Variants in NRG3 observed in about 807,000 individuals in gnomAD.
NRG3 encodes the protein pro-neuregulin-3, membrane-bound isoform.
Under a neutral mutation model 66.9 loss-of-function variants are expected in NRG3, and 31 were observed. The observed-to-expected ratio is 0.46, with a 90% CI of 0.35 to 0.63. The LOEUF (loss-of-function observed/expected upper bound fraction) is 0.63. Ranked by LOEUF, NRG3 falls within the 20% of genes least tolerant of loss-of-function variation. The pLI is 0.00. For missense variants in NRG3, 910 were observed against 878.9 expected (o/e 1.04, Z -0.45); for synonymous variants, 393 against 359.4 (o/e 1.09, Z -1.06).
intron 3 of NRG3, among the ~76,000 whole-genome samples, chr10:82,848,402 G>C (rs749031638): frequency 6.6e-6 from 1 of 151,998 alleles, no homozygotes; most frequent in Non-Finnish European, 1.5e-5. Context: ...CCTTCATTTT[G>C]GTCAATTTCT....
At position 82,187,133 on chromosome 10, in the gene NRG3, T is replaced by A. The variant is rs558394204; in HGVS notation, c.824-171606T>A. Among the ~76,000 whole-genome samples, 7 of 152,280 alleles carry A rather than the reference T, an allele frequency of 4.6e-5. No homozygotes were observed. In the East Asian group the frequency reaches 1.3e-3, roughly 29 times the overall value. Reference sequence around the variant, plus strand: ...ATAAATTAATGAATAAAATAAAATATTCAGAATGTCTTTTTTTAAGCCAAG... The same window carrying A: ...ATAAATTAATGAATAAAATAAAATAATCAGAATGTCTTTTTTTAAGCCAAG... On this transcript the variant is annotated intron_variant, in intron 1 of 8. Transcript: ENST00000372141.
chr10:82,979,478 A>C (rs1273867502), intron 8 of NRG3, among the ~76,000 whole-genome samples: 2 of 152,204 alleles, frequency 1.3e-5, no homozygotes, highest in Non-Finnish European at 2.9e-5. Flanking sequence ...AAAAGGACCG[A>C]ATTCTCTGAT....
intron 2 of NRG3, among the ~76,000 whole-genome samples, chr10:82,684,031 GCC>G (rs1358488360): frequency 5.7e-5 from 3 of 52,280 alleles, no homozygotes; most frequent in Admixed American, 2.7e-4. Context: ...TATTCAGAGC[GCC>G]CCTGTGTTCA....
chr10:82,542,034 G>T (rs746171164), intron 2 of NRG3, among the ~76,000 whole-genome samples: 1 of 152,026 alleles, frequency 6.6e-6, no homozygotes, highest in Non-Finnish European at 1.5e-5. Flanking sequence ...TTTAAGCCCC[G>T]CATGCATTAG....
chr10:82,226,385 T>A (rs1368182691), intron 1 of NRG3, among the ~76,000 whole-genome samples: 1 of 152,144 alleles, frequency 6.6e-6, no homozygotes, highest in African/African-American at 2.4e-5. Context: ...TAAGCCAACA[T>A]TTTAGAAGTG....
intron 1 of NRG3, among the ~76,000 whole-genome samples, chr10:82,019,232 T>G (rs191740228): frequency 2.0e-5 from 3 of 152,198 alleles, no homozygotes; most frequent in African/African-American, 4.8e-5. Flanking sequence ...ATATACTGGA[T>G]TACGTTTATT....
chr10:82,648,144 C>G (rs1228603227), intron 2 of NRG3, among the ~76,000 whole-genome samples: 1 of 151,874 alleles, frequency 6.6e-6, no homozygotes, highest in Non-Finnish European at 1.5e-5. Context: ...TTAGGTCTAA[C>G]GTTTAAGTCT....
chr10:82,589,725 T>C (rs2046875652), intron 2 of NRG3, among the ~76,000 whole-genome samples: 1 of 152,198 alleles, frequency 6.6e-6, no homozygotes, highest in Non-Finnish European at 1.5e-5. Flanking sequence ...GTAACTGAGA[T>C]AATATTATCT....
intron 2 of NRG3, among the ~76,000 whole-genome samples, chr10:82,486,770 C>T (rs2132202626): frequency 6.6e-6 from 1 of 152,180 alleles, no homozygotes; most frequent in South Asian, 2.1e-4. Flanking sequence ...CTGTCAAATG[C>T]TATAACATGG....
intron 2 of NRG3, among the ~76,000 whole-genome samples, chr10:82,491,718 T>C (rs1843164951): frequency 1.3e-5 from 2 of 152,136 alleles, no homozygotes; most frequent in South Asian, 4.1e-4. Context: ...TATTGATCTT[T>C]ACTGCCATTT....
intron 1 of NRG3, among the ~76,000 whole-genome samples, chr10:81,900,892 AAG>A (rs199724645): frequency 0.014 from 2,202 of 152,328 alleles, 41 homozygotes; most frequent in African/African-American, 0.048. Flanking sequence ...AACATTTTAA[AAG>A]AGGTTTTTCT....
chr10:82,706,963 C>A (rs2056333257), intron 2 of NRG3, among the ~76,000 whole-genome samples: 1 of 149,284 alleles, frequency 6.7e-6, no homozygotes, highest in African/African-American at 2.5e-5. Context: ...CACTGCACTC[C>A]AGCCTGGGTG....
chr10:82,915,411 C>G (rs1591941705), intron 4 of NRG3, among the ~76,000 whole-genome samples: 2 of 152,286 alleles, frequency 1.3e-5, no homozygotes. Flanking sequence ...AAATCAGGAA[C>G]AAGCTCTTTG....
Position 82,350,416 on chromosome 10 carries a change from C to G in NRG3, c.824-8323C>G, listed in dbSNP as rs56768300. On this transcript the variant is annotated intron_variant, in intron 1 of 8. Transcript: ENST00000372141. ...TGCTAGGTCCCTAAGATCCCATAAT[C>G]TAGTTTGAGAAGAGTATGGAGAAGG... Among the ~76,000 whole-genome samples the G allele has an allele frequency of 1.3e-3, 192 of 152,246 alleles. 1 individual carries two copies. The highest frequency in any genetic ancestry group is 4.5e-3 in the African/African-American group (185 of 41,542).
chr10:82,582,710 T>C (rs1021877322), intron 2 of NRG3, among the ~76,000 whole-genome samples: 3 of 151,572 alleles, frequency 2.0e-5, no homozygotes, highest in African/African-American at 4.8e-5. Context: ...TTTATACACA[T>C]ATACACATGA....
chr10:82,317,126 C>A (rs1451610460), intron 1 of NRG3, among the ~76,000 whole-genome samples: 3 of 151,966 alleles, frequency 2.0e-5, no homozygotes, highest in African/African-American at 7.3e-5. Context: ...GTCTTCACAG[C>A]CTGTAGAATG....
intron 1 of NRG3, among the ~76,000 whole-genome samples, chr10:81,997,527 T>C (rs2060986533): frequency 6.6e-6 from 1 of 152,156 alleles, no homozygotes; most frequent in Non-Finnish European, 1.5e-5. Context: ...ATGTGAAGCC[T>C]CAGCTATGTA....
At chr10:82,645,340 G>A (rs1448621978) in intron 2 of NRG3, among the ~76,000 whole-genome samples, 1 of 152,168 alleles carries the variant, frequency 6.6e-6, no homozygotes, top group Non-Finnish European at 1.5e-5. Context: ...ACCAGATCAA[G>A]TGCATCAGTG....
chr10:82,608,291 T>C (rs922680256), intron 2 of NRG3, among the ~76,000 whole-genome samples: 5 of 152,176 alleles, frequency 3.3e-5, no homozygotes, highest in African/African-American at 9.6e-5. Flanking sequence ...GTAGTACTTA[T>C]CTTTGCTTCT....
Sources: allele counts gnomAD v4.1 joint callset (sites outside exome capture counted in the v4.1 genomes callset), GRCh38; gene constraint gnomAD v4.1.1; transcripts MANE v1.5; gene names NCBI Gene and HGNC (gene_info 2026-07-23, HGNC 2026-07-21).